GAN: variants seen among roughly 807,000 people sequenced by gnomAD.
The protein encoded by GAN is gigaxonin.
Under a neutral mutation model 71.3 loss-of-function variants are expected in GAN, and 48 were observed. That is an observed-to-expected ratio of 0.67 (90% CI 0.53 to 0.86). The LOEUF is 0.86. GAN is among the 40% of genes least tolerant of loss of function. GAN has a pLI of 0.00. For synonymous variants in GAN, 386 were observed against 276.8 expected, an observed-to-expected ratio of 1.39 and a Z score of -3.92; for missense variants, 928 against 770.1, an observed-to-expected ratio of 1.21 and a Z score of -2.43.
chr16:81,347,462 C>T (rs1426116551), intron 1 of GAN, among the ~76,000 whole-genome samples: 1 of 152,096 alleles, frequency 6.6e-6, no homozygotes, highest in African/African-American at 2.4e-5. Flanking sequence ...ATTGTGCATC[C>T]CTTTCACTTC....
chr16:81,339,995 G>C (rs889065849), intron 1 of GAN, among the ~76,000 whole-genome samples: 1 of 152,202 alleles, frequency 6.6e-6, no homozygotes, highest in African/African-American at 2.4e-5. Context: ...TTTTATGGAA[G>C]TCTGAAATGG....
rs112590443 is a variant in GAN at position 81,386,160 on chromosome 16, T to A, written c.*8564T>A. The A allele has an allele frequency of 3.9e-5, 6 of 152,378 alleles. No individual in the cohort carries two copies. Among genetic ancestry groups the A allele is most frequent in the African/African-American group, 1.4e-4 (6 of 41,586 alleles). 9.4% of individuals were successfully genotyped at this position (152,378 alleles called of 1,614,324 possible). On this transcript the variant is annotated 3_prime_UTR_variant, in exon 11 of 11. Transcript: ENST00000648994. ...GCCCAAAATATGTGTTTAGAATACT[T>A]AGAGTTTGTTATAAATAACCCTCTG...
intron 9 of GAN, among the ~76,000 whole-genome samples, chr16:81,366,713 G>A (rs1319074046): frequency 2.0e-5 from 3 of 152,094 alleles, no homozygotes; most frequent in Non-Finnish European, 4.4e-5. Context: ...TTATTAGAGA[G>A]CAGTTTAGAG....
At chr16:81,341,525 C>A (rs914350719) in intron 1 of GAN, among the ~76,000 whole-genome samples, 1 of 152,128 alleles carries the variant, frequency 6.6e-6, no homozygotes, top group Non-Finnish European at 1.5e-5. Context: ...TCATATCTAG[C>A]CAAACTAAGC....
At position 81,377,582 on chromosome 16, in the gene GAN, G is replaced by A; in HGVS notation, c.1780G>A (p.Val594Ile). Residue 594 changes from valine to isoleucine, a missense_variant, in exon 11 of 11, where the codon GTT becomes ATT. Coordinates refer to ENST00000648994, the MANE Select transcript of GAN (RefSeq NM_022041.4). Reference sequence around the variant, plus strand: ...TCAGCAAGGCTTATTCCGTATTCGTGTTCATTCCCCTTGAGGAGGAAGCAG... The same window carrying A: ...TCAGCAAGGCTTATTCCGTATTCGTATTCATTCCCCTTGAGGAGGAAGCAG... The part of the protein sequence containing the change: ...QLQQGLFRIR[V>I]HSP 1 of 1,614,114 alleles carries A rather than the reference G, an allele frequency of 6.2e-7. No individual in the cohort carries two copies. The highest frequency in any genetic ancestry group is 8.5e-7 in the Non-Finnish European group (1 of 1,179,978).
At chr16:81,355,181 TG>T (rs1910445473) in intron 3 of GAN, among the ~76,000 whole-genome samples, 1 of 152,066 alleles carries the variant, frequency 6.6e-6, no homozygotes, top group African/African-American at 2.4e-5. Flanking sequence ...TGGAGGGGCA[TG>T]GGCCTGAGGA....
At position 81,354,433 on chromosome 16, in the gene GAN, ATGT is replaced by A. The variant is rs1567491395; in HGVS notation, c.316_318del (p.Val106del). ...AGGCTAAATGAAGATACAATCCAAG[ATGT>A]TGTTCAGGCAGCTGACCTGCTGCTA... is the stretch of plus-strand genomic sequence containing the variant. On this transcript the variant is annotated inframe_deletion, in exon 3 of 11. Transcript: ENST00000648994. 2 of 1,612,732 alleles carry A rather than the reference ATGT, an allele frequency of 1.2e-6. No individual in the cohort carries two copies. The highest frequency in any genetic ancestry group is 1.7e-5 in the Admixed American group (1 of 60,024).
At chr16:81,347,050 G>A (rs973134386) in intron 1 of GAN, among the ~76,000 whole-genome samples, 2 of 152,220 alleles carry the variant, frequency 1.3e-5, no homozygotes, top group Admixed American at 1.3e-4. Context: ...GACATCCTAA[G>A]TGAAGACATG....
In GAN at chr16:81,362,553, C is replaced by T. The variant is rs777349334; in HGVS notation, c.1028C>T (p.Ser343Leu). 2.5e-6 allele frequency: 4 copies of T among 1,611,004 alleles called. No individual in the cohort carries two copies. Among genetic ancestry groups the T allele is most frequent in the South Asian group, 1.1e-5 (1 of 91,024 alleles). ...GATGAAAATAAGCAGACTCTTAGCT[C>T]AGGAGAAAAGTATGATCCAGATGCA... ...GQDENKQTLS[S>L]GEKYDPDANT... The change falls in exon 6 of 11, where the codon TCA becomes TTA. Residue 343 changes from serine (S) to leucine (L), a missense_variant. Ser to Leu is a moderately radical substitution (Grantham distance 145, BLOSUM62 -2). Coordinates refer to ENST00000648994, the MANE Select transcript of GAN (RefSeq NM_022041.4).
intron 3 of GAN, among the ~76,000 whole-genome samples, chr16:81,355,829 CTT>C (rs1910467305): frequency 6.6e-6 from 1 of 152,088 alleles, no homozygotes; most frequent in South Asian, 2.1e-4. Flanking sequence ...TGATGATTAT[CTT>C]ATAATTTTTT....
chr16:81,377,137 C>A (rs959703194), intron 9 of GAN, 82 bp from the exon 10 acceptor site: 1 of 880,102 alleles, frequency 1.1e-6, no homozygotes, highest in Admixed American at 1.7e-5. Flanking sequence ...TGATGACTCA[C>A]CAAGCTTGCT....
chr16:81,377,536 C>T lies in GAN; in HGVS notation c.1734C>T (p.Cys578=). Residue 578 remains cysteine, a synonymous_variant, in exon 11 of 11, where the codon TGC becomes TGT. Transcript: ENST00000648994. ...TGCAALRIAN[C]KLFRLQLQQG... Reference sequence around the variant, plus strand: ...GTGCAGCCTTACGCATTGCGAATTGCAAGCTTTTCCGCCTGCAGCTTCAGC... The same window carrying T: ...GTGCAGCCTTACGCATTGCGAATTGTAAGCTTTTCCGCCTGCAGCTTCAGC... The T allele has an allele frequency of 6.2e-7, 1 of 1,614,212 alleles. No individual in the cohort carries two copies. Among genetic ancestry groups the T allele is most frequent in the Non-Finnish European group, 8.5e-7 (1 of 1,180,018 alleles).
chr16:81,349,652 A>C (rs1262289647), intron 1 of GAN, among the ~76,000 whole-genome samples: 1 of 152,204 alleles, frequency 6.6e-6, no homozygotes, highest in Non-Finnish European at 1.5e-5. Flanking sequence ...TCAAAAACAA[A>C]AATAAAAGAA....
In GAN at chr16:81,332,261, C is replaced by T. The variant is rs983569358; in HGVS notation, c.167+16981C>T. Among the ~76,000 whole-genome samples the T allele has an allele frequency of 3.3e-5, 5 of 152,120 alleles. 1 individual carries two copies. The highest frequency in any genetic ancestry group is 2.0e-4 in the Admixed American group (3 of 15,284). On this transcript the variant is annotated intron_variant, in intron 1 of 10. Transcript: ENST00000648994. Reference sequence around the variant, plus strand: ...CGGTGGTGGGTAAACCAGTCAGAGACGTTGCAGGTCATTTCAGCAAGCTAC... The same window carrying T: ...CGGTGGTGGGTAAACCAGTCAGAGATGTTGCAGGTCATTTCAGCAAGCTAC...
At chr16:81,348,625 CTCTGTTTAGCCCAGAGTAA>C (rs1194034638) in intron 1 of GAN, among the ~76,000 whole-genome samples, 6 of 152,184 alleles carry the variant, frequency 3.9e-5, no homozygotes, top group Non-Finnish European at 7.3e-5. Context: ...TACAGGCCGC[CTCTGTTTAGCCCAGAGTAA>C]TACTACGTTT....
At chr16:81,351,043 C>T (rs1437434897) in intron 1 of GAN, among the ~76,000 whole-genome samples, 1 of 152,032 alleles carries the variant, frequency 6.6e-6, no homozygotes, top group African/African-American at 2.4e-5. Flanking sequence ...AATTATAAAA[C>T]AAGTTAAAAT....
intron 3 of GAN, among the ~76,000 whole-genome samples, chr16:81,355,685 T>G (rs934233356): frequency 2.0e-5 from 3 of 152,236 alleles, no homozygotes; most frequent in African/African-American, 7.2e-5. Context: ...TTAAGTCTGA[T>G]TATTATAAAT....
At chr16:81,333,557 A>G (rs564705574) in intron 1 of GAN, among the ~76,000 whole-genome samples, 6 of 152,306 alleles carry the variant, frequency 3.9e-5, no homozygotes, top group Admixed American at 3.9e-4. Context: ...GGTACTTTCT[A>G]TCATGAAACA....
intron 1 of GAN, among the ~76,000 whole-genome samples, chr16:81,326,474 G>A (rs930285393): frequency 3.3e-5 from 5 of 152,100 alleles, no homozygotes; most frequent in African/African-American, 4.8e-5. Flanking sequence ...CGGAGGTTGC[G>A]AGGAGACGAG....
Sources: allele counts gnomAD v4.1 joint callset (sites outside exome capture counted in the v4.1 genomes callset), GRCh38; gene constraint gnomAD v4.1.1; transcripts MANE v1.5; gene names NCBI Gene and HGNC (gene_info 2026-07-23, HGNC 2026-07-21).